The following REV3L variants were observed in gnomAD, a reference collection of about 807,000 sequenced individuals.
REV3L encodes DNA polymerase zeta catalytic subunit.
In REV3L, 69 loss-of-function variants were observed where a neutral mutation model predicts 299.4. That is an observed-to-expected ratio of 0.23 (90% CI 0.19 to 0.28). The LOEUF is 0.28. Among genes scored for constraint, REV3L ranks in the 10% least tolerant of loss-of-function variants. REV3L has a pLI of 1.00. For missense variants in REV3L, 3,128 were observed against 3,693.8 expected (o/e 0.85, Z 3.97); for synonymous variants, 1,238 against 1,271.4 (o/e 0.97, Z 0.56).
At position 111,325,709 on chromosome 6, in the gene REV3L, C is replaced by T. The variant is rs551887241; in HGVS notation, c.8242-3031G>A. On this transcript the variant is annotated intron_variant, in intron 25 of 31. Coordinates refer to ENST00000368802, the MANE Select transcript of REV3L (RefSeq NM_001372078.1). ...GGTACATATGATGTACACAGGCAGA[C>T]AATGTGTAATGATCAAATCAGGGTA... 2.0e-5 allele frequency among the ~76,000 whole-genome samples: 3 copies of T among 152,296 alleles called. No homozygotes were observed. In the South Asian group the frequency reaches 6.2e-4, roughly 32 times the overall value.
chr6:111,359,831 A>C (rs1211462165), intron 16 of REV3L, among the ~76,000 whole-genome samples: 1 of 152,184 alleles, frequency 6.6e-6, no homozygotes, highest in Non-Finnish European at 1.5e-5. Flanking sequence ...ATTGGTAATT[A>C]TTCAGATCAT....
chr6:111,444,577 T>C (rs1261607238), intron 1 of REV3L, among the ~76,000 whole-genome samples: 5 of 152,162 alleles, frequency 3.3e-5, no homozygotes, highest in African/African-American at 1.2e-4. Flanking sequence ...ATGGGGCCAT[T>C]TCCACAGAAA....
chr6:111,383,416 G>T lies in REV3L; in HGVS notation c.1097-1972C>A, dbSNP rs80001062. 8.8e-3 allele frequency among the ~76,000 whole-genome samples: 1,337 copies of T among 152,284 alleles called. 23 individuals are homozygous for T. Among genetic ancestry groups the T allele is most frequent in the African/African-American group, 0.031 (1,276 of 41,564 alleles). ...ACCAAAAAACAAATTCAGCGAAGTT[G>T]CAGGATACAAAATCAACATATGAAA... On this transcript the variant is annotated intron_variant, in intron 9 of 31. Transcript: ENST00000368802.
intron 1 of REV3L, among the ~76,000 whole-genome samples, chr6:111,469,235 C>T (rs971987464): frequency 6.6e-6 from 1 of 152,126 alleles, no homozygotes; most frequent in Non-Finnish European, 1.5e-5. Flanking sequence ...ATCTGCTGCT[C>T]ACCTCTTGAT....
chr6:111,300,190 G>T (rs760776646), intron 31 of REV3L, 34 bp from the exon 32 acceptor site: 7 of 1,536,936 alleles, frequency 4.6e-6, no homozygotes, highest in Non-Finnish European at 6.1e-6. Context: ...AAAATAATAG[G>T]AAAGTTTTTA....
At chr6:111,311,398 A>T in intron 28 of REV3L, 139 bp from the exon 29 acceptor site, 2 of 509,082 alleles carry the variant, frequency 3.9e-6, no homozygotes, top group Non-Finnish European at 6.6e-6. Context: ...ATGATGGGAT[A>T]ATAAAATTAT....
At chr6:111,368,094 A>G in intron 13 of REV3L, 66 bp from the exon 14 acceptor site, 1 of 1,349,526 alleles carries the variant, frequency 7.4e-7, no homozygotes, top group Admixed American at 2.6e-5. Context: ...ATTTAACTCC[A>G]TATCCTAGAT....
chr6:111,423,700 G>C (rs1342548418), intron 1 of REV3L, among the ~76,000 whole-genome samples: 1 of 152,162 alleles, frequency 6.6e-6, no homozygotes. Flanking sequence ...GAGGCTGCTG[G>C]AGGAATTCAG....
chr6:111,303,165 CTTT>C (rs1189398273), intron 31 of REV3L, among the ~76,000 whole-genome samples: 1 of 92,342 alleles, frequency 1.1e-5, no homozygotes, highest in Non-Finnish European at 2.1e-5. Flanking sequence ...TCTTTTCTTT[CTTT>C]TTTTTTTTTT....
intron 28 of REV3L, chr6:111,312,943 A>G (rs1773138353): frequency 1.3e-5 from 2 of 153,948 alleles, no homozygotes; most frequent in African/African-American, 4.8e-5. Flanking sequence ...GGAAACTCTC[A>G]TGTATTGCTT....
intron 1 of REV3L, among the ~76,000 whole-genome samples, chr6:111,444,829 C>A (rs1788653617): frequency 6.6e-6 from 1 of 152,120 alleles, no homozygotes; most frequent in Non-Finnish European, 1.5e-5. Flanking sequence ...CTAATTTGTC[C>A]TTTTTGTCAT....
chr6:111,456,189 C>T (rs1016946206), intron 1 of REV3L, among the ~76,000 whole-genome samples: 1 of 152,120 alleles, frequency 6.6e-6, no homozygotes, highest in African/African-American at 2.4e-5. Context: ...CACAACTATA[C>T]CTTTAAGTAA....
chr6:111,451,435 C>T (rs147647841), intron 1 of REV3L, among the ~76,000 whole-genome samples: 1,751 of 152,182 alleles, frequency 0.012, 7 homozygotes, highest in Non-Finnish European at 0.018. Context: ...CAGAAAATGA[C>T]TGAAAGAGAA....
intron 4 of REV3L, among the ~76,000 whole-genome samples, chr6:111,403,964 A>T: frequency 6.6e-6 from 1 of 152,218 alleles, no homozygotes; most frequent in Non-Finnish European, 1.5e-5. Context: ...GTGAAACAGC[A>T]GGGGCTGATG....
intron 4 of REV3L, among the ~76,000 whole-genome samples, chr6:111,404,138 G>A (rs979853507): frequency 2.0e-5 from 3 of 152,150 alleles, no homozygotes; most frequent in Non-Finnish European, 4.4e-5. Flanking sequence ...TAATGCTGCT[G>A]GTAACTTGAA....
intron 4 of REV3L, among the ~76,000 whole-genome samples, chr6:111,403,315 G>A (rs1783277732): frequency 6.6e-6 from 1 of 152,144 alleles, no homozygotes; most frequent in Non-Finnish European, 1.5e-5. Context: ...TTGTGGTGAT[G>A]GTTGCATAAC....
chr6:111,306,360 G>C (rs1423476364), intron 31 of REV3L, among the ~76,000 whole-genome samples: 5 of 152,164 alleles, frequency 3.3e-5, no homozygotes, highest in Non-Finnish European at 5.9e-5. Context: ...TATGGTATGG[G>C]TCGAGGTAGA....
chr6:111,338,256 A>C (rs1259815914), intron 21 of REV3L, among the ~76,000 whole-genome samples: 1 of 146,842 alleles, frequency 6.8e-6, no homozygotes, highest in Middle Eastern at 3.3e-3. Flanking sequence ...TTTGTTTCGG[A>C]AAATGTGTTT....
intron 30 of REV3L, 24 bp downstream of exon 30, chr6:111,309,829 A>C (rs1232038393): frequency 6.2e-7 from 1 of 1,608,806 alleles, no homozygotes; most frequent in Non-Finnish European, 8.5e-7. Flanking sequence ...TAGTTAGAGC[A>C]CATGTACTAT....
Sources: gnomAD v4.1 joint callset for allele counts (sites outside exome capture counted in the v4.1 genomes callset) on GRCh38, gnomAD v4.1.1 for gene constraint, MANE v1.5 for transcripts, NCBI Gene and HGNC (gene_info 2026-07-23, HGNC 2026-07-21) for gene names.